The following BTBD9 variants were observed in gnomAD, a reference collection of about 807,000 sequenced individuals.
The protein encoded by BTBD9 is BTB domain containing 9.
Under a neutral mutation model 64.3 loss-of-function variants are expected in BTBD9, and 49 were observed. The ratio of observed to expected loss-of-function variants is 0.76; its 90% CI spans 0.61 to 0.97. The LOEUF (loss-of-function observed/expected upper bound fraction) is 0.97, where lower values mean the gene tolerates loss of function less well. Among genes scored for constraint, BTBD9 ranks in the 50% least tolerant of loss-of-function variants. BTBD9 has a pLI of 0.00. For synonymous variants in BTBD9, 260 were observed against 274.7 expected (o/e 0.95, Z 0.53); for missense variants, 598 against 762.1 (o/e 0.78, Z 2.53).
intron 6 of BTBD9, among the ~76,000 whole-genome samples, chr6:38,454,042 C>T (rs1582455584): frequency 1.3e-5 from 2 of 152,194 alleles, no homozygotes; most frequent in East Asian, 3.9e-4. Context: ...CAAAGGAGAT[C>T]AAAAGGTGCA....
chr6:38,339,770 G>A (rs1582257587), intron 7 of BTBD9, among the ~76,000 whole-genome samples: 1 of 152,228 alleles, frequency 6.6e-6, no homozygotes, highest in South Asian at 2.1e-4. Flanking sequence ...ACATAGTTAG[G>A]AAACAAAAGT....
intron 4 of BTBD9, chr6:38,587,801 C>CT: frequency 1.4e-6 from 1 of 713,960 alleles, no homozygotes; most frequent in Non-Finnish European, 2.7e-6. Context: ...GGAAAACAGT[C>CT]TACTCAGGTT....
chr6:38,638,949 T>C (rs1778625413), intron 1 of BTBD9, among the ~76,000 whole-genome samples: 1 of 152,138 alleles, frequency 6.6e-6, no homozygotes, highest in African/African-American at 2.4e-5. Context: ...ACATGCTGGG[T>C]TCTCCCATCA....
chr6:38,282,986 A>G (rs1761578152), intron 8 of BTBD9, among the ~76,000 whole-genome samples: 1 of 152,234 alleles, frequency 6.6e-6, no homozygotes, highest in African/African-American at 2.4e-5. Context: ...ATTCAATGCC[A>G]TATCCCCAGT....
Position 38,171,086 on chromosome 6 carries a change from T to C in BTBD9, c.*3899A>G, listed in dbSNP as rs1183399441. On this transcript the variant is annotated 3_prime_UTR_variant, in exon 11 of 11. Coordinates refer to ENST00000481247, the MANE Select transcript of BTBD9 (RefSeq NM_001099272.2). ...GTGAGGGGAGCGCTCCATCTCTTTA[T>C]CACCAAGTGGCCTCAGTACACAGAA... 6.6e-6 allele frequency: 1 copy of C among 152,248 alleles called. No homozygotes were observed. The highest frequency in any genetic ancestry group is 1.5e-5 in the Non-Finnish European group (1 of 68,038). The allele number at this position is 152,248 out of a possible 1,614,324, so 9.4% of individuals were successfully genotyped here. A position where few individuals can be genotyped will look rare whatever the true frequency, so the allele number is the denominator to read the frequency against.
chr6:38,521,245 A>C (rs886817654), intron 6 of BTBD9, among the ~76,000 whole-genome samples: 3 of 152,156 alleles, frequency 2.0e-5, no homozygotes, highest in South Asian at 2.1e-4. Context: ...TTTTACCTTA[A>C]TTTCTCCATC....
chr6:38,621,606 A>C (rs1217822968), intron 1 of BTBD9, among the ~76,000 whole-genome samples: 1 of 152,250 alleles, frequency 6.6e-6, no homozygotes, highest in Non-Finnish European at 1.5e-5. Flanking sequence ...AAAAAAGAAT[A>C]AATGTGAACA....
chr6:38,416,904 C>T (rs560978187), intron 6 of BTBD9, among the ~76,000 whole-genome samples: 1 of 152,216 alleles, frequency 6.6e-6, no homozygotes, highest in South Asian at 2.1e-4. Context: ...AGGTCCCAGC[C>T]TTTGCCCAAG....
At chr6:38,480,270 G>A (rs1771076911) in intron 6 of BTBD9, among the ~76,000 whole-genome samples, 1 of 152,182 alleles carries the variant, frequency 6.6e-6, no homozygotes, top group Non-Finnish European at 1.5e-5. Context: ...GGGGAGCAAT[G>A]CACTTCCTTT....
At chr6:38,554,949 T>A (rs1400745541) in intron 6 of BTBD9, among the ~76,000 whole-genome samples, 2 of 152,220 alleles carry the variant, frequency 1.3e-5, no homozygotes, top group Non-Finnish European at 2.9e-5. Flanking sequence ...CCAAAATGTA[T>A]TCATCTTAGA....
chr6:38,592,569 T>C lies in BTBD9; in HGVS notation c.814+7A>G. The C allele has an allele frequency of 6.2e-7, 1 of 1,613,684 alleles. No homozygotes were observed. The highest frequency in any genetic ancestry group is 8.5e-7 in the Non-Finnish European group (1 of 1,179,754). ...CTTGGTTGAGTTTAGGATAGACAGG[T>C]ACTTACTGAGCATGCCTCTATAATT... On this transcript the variant is annotated splice_region_variant and intron_variant, in intron 4 of 10. Transcript: ENST00000481247.
chr6:38,298,919 A>G (rs1383886465), intron 7 of BTBD9, among the ~76,000 whole-genome samples: 1 of 150,470 alleles, frequency 6.6e-6, no homozygotes, highest in African/African-American at 2.5e-5. Context: ...GGTTTGTTAC[A>G]TATGTATACA....
At chr6:38,600,648 T>C (rs1023374100) in intron 1 of BTBD9, among the ~76,000 whole-genome samples, 14 of 152,342 alleles carry the variant, frequency 9.2e-5, no homozygotes, top group African/African-American at 3.4e-4. Flanking sequence ...ATATATTTAA[T>C]ATATTTTCTG....
At position 38,315,344 on chromosome 6, in the gene BTBD9, T is replaced by C. The variant is rs912833370; in HGVS notation, c.1265-26883A>G. On this transcript the variant is annotated intron_variant, in intron 7 of 10. Transcript: ENST00000481247. ...AACTTTAGATTTGGTTTGCTCTTGC[T>C]TTTCTAGTTCTTTAAGATAAATCAT... Among the ~76,000 whole-genome samples, 5 of 151,942 alleles carry C rather than the reference T, an allele frequency of 3.3e-5. No homozygotes were observed. In the East Asian group the frequency reaches 1.0e-3, roughly 30 times the overall value.
At chr6:38,458,528 C>T (rs1461920527) in intron 6 of BTBD9, among the ~76,000 whole-genome samples, 2 of 152,162 alleles carry the variant, frequency 1.3e-5, no homozygotes, top group East Asian at 1.9e-4. Context: ...ATATAAGATT[C>T]CCCTCCTCAA....
chr6:38,275,366 T>G (rs1423458664), intron 8 of BTBD9, among the ~76,000 whole-genome samples: 3 of 152,084 alleles, frequency 2.0e-5, no homozygotes, highest in African/African-American at 7.2e-5. Flanking sequence ...ATTAAAGACT[T>G]AAACGTTAGA....
chr6:38,266,612 AAGAAAGAAAG>A (rs1764990980), intron 8 of BTBD9, among the ~76,000 whole-genome samples: 1 of 10,004 alleles, frequency 1.0e-4, no homozygotes, highest in Non-Finnish European at 2.2e-4. Context: ...AAAGGAAAGA[AAGAAAGAAAG>A]AAAGAAAGAA....
intron 6 of BTBD9, among the ~76,000 whole-genome samples, chr6:38,495,244 C>T (rs1771900167): frequency 6.6e-6 from 1 of 152,078 alleles, no homozygotes; most frequent in Non-Finnish European, 1.5e-5. Context: ...ATAATTGTTC[C>T]CATCTCATGG....
intron 8 of BTBD9, among the ~76,000 whole-genome samples, chr6:38,266,094 T>C (rs1764962578): frequency 6.6e-6 from 1 of 152,278 alleles, no homozygotes; most frequent in Non-Finnish European, 1.5e-5. Flanking sequence ...AATCAGCACA[T>C]TTCCTGCTTT....
Sources: gnomAD v4.1 joint callset for allele counts (sites outside exome capture counted in the v4.1 genomes callset) on GRCh38, gnomAD v4.1.1 for gene constraint, MANE v1.5 for transcripts, NCBI Gene and HGNC (gene_info 2026-07-23, HGNC 2026-07-21) for gene names.